Variants in PRKCB observed in about 807,000 individuals in gnomAD.
PRKCB encodes the protein protein kinase C beta, also known as protein kinase C beta type.
In PRKCB, 13 loss-of-function variants were observed where a neutral mutation model predicts 81.5. The ratio of observed to expected loss-of-function variants is 0.16; its 90% confidence interval spans 0.10 to 0.25. The LOEUF (loss-of-function observed/expected upper bound fraction) is 0.25. Among genes scored for constraint, PRKCB ranks in the 10% least tolerant of loss-of-function variants. The pLI is 1.00. For synonymous variants in PRKCB, 335 were observed against 321.4 expected (o/e 1.04, Z -0.45); for missense variants, 509 against 875.7 (o/e 0.58, Z 5.29).
chr16:24,091,140 A>G (rs1966371499), intron 5 of PRKCB, among the ~76,000 whole-genome samples: 1 of 152,184 alleles, frequency 6.6e-6, no homozygotes, highest in African/African-American at 2.4e-5. Context: ...CTTATTCCTT[A>G]CTTTAATGGA....
Position 24,218,107 on chromosome 16 carries a change from T to C in PRKCB, c.*3291T>C. Reference sequence around the variant, plus strand: ...GGAAATACACTAGTGAAGAAGCAGATGAGGACCCTGTTTATTGTTTCTCTC... The same window carrying C: ...GGAAATACACTAGTGAAGAAGCAGACGAGGACCCTGTTTATTGTTTCTCTC... On this transcript the variant is annotated 3_prime_UTR_variant, in exon 17 of 17. Coordinates refer to ENST00000643927, the MANE Select transcript of PRKCB (RefSeq NM_002738.7). The C allele has an allele frequency of 2.0e-6, 2 of 985,344 alleles. No homozygotes were observed. The highest frequency in any genetic ancestry group is 2.4e-6 in the Non-Finnish European group (2 of 829,920). 61.0% of individuals were successfully genotyped at this position (985,344 alleles called of 1,614,324 possible). A position where few individuals can be genotyped will look rare whatever the true frequency, so the allele number is the denominator to read the frequency against.
At chr16:23,839,125 G>A (rs1962220247) in intron 2 of PRKCB, among the ~76,000 whole-genome samples, 1 of 152,128 alleles carries the variant, frequency 6.6e-6, no homozygotes, top group Admixed American at 6.5e-5. Flanking sequence ...TGATGGATGG[G>A]AAAGTCACTT....
chr16:23,894,486 G>A (rs1963341782), intron 2 of PRKCB, among the ~76,000 whole-genome samples: 1 of 151,970 alleles, frequency 6.6e-6, no homozygotes. Context: ...CTTGATCACT[G>A]GATATAATCA....
chr16:24,049,045 C>CTTTT (rs1462670006), intron 5 of PRKCB, among the ~76,000 whole-genome samples: 2 of 82,486 alleles, frequency 2.4e-5, no homozygotes, highest in African/African-American at 5.9e-5. Context: ...TCAAATTGGC[C>CTTTT]TGTTTTTTTT....
At chr16:23,903,548 A>G (rs1238098676) in intron 2 of PRKCB, among the ~76,000 whole-genome samples, 1 of 152,166 alleles carries the variant, frequency 6.6e-6, no homozygotes, top group Non-Finnish European at 1.5e-5. Context: ...AATGATTTCT[A>G]CCCTAGATCT....
At chr16:24,175,464 T>C (rs1240831061) in intron 12 of PRKCB, among the ~76,000 whole-genome samples, 1 of 151,782 alleles carries the variant, frequency 6.6e-6, no homozygotes, top group Non-Finnish European at 1.5e-5. Flanking sequence ...ATCTTTCTCA[T>C]GGTGGGAGTT....
chr16:23,921,532 TG>T (rs1196861335), intron 2 of PRKCB, among the ~76,000 whole-genome samples: 10 of 152,186 alleles, frequency 6.6e-5, no homozygotes, highest in Non-Finnish European at 1.5e-4. Context: ...CCAGGCAAGA[TG>T]GCTCACGTCT....
intron 2 of PRKCB, among the ~76,000 whole-genome samples, chr16:23,897,827 A>G (rs1463676632): frequency 2.0e-5 from 3 of 151,894 alleles, no homozygotes; most frequent in Non-Finnish European, 4.4e-5. Context: ...CCTCTCTCCC[A>G]TCCATCCATC....
chr16:23,836,670 C>T (rs958105544), intron 1 of PRKCB, among the ~76,000 whole-genome samples: 1 of 151,912 alleles, frequency 6.6e-6, no homozygotes, highest in South Asian at 2.1e-4. Context: ...CTGTGCCTGC[C>T]CTGGAGGGCA....
intron 12 of PRKCB, among the ~76,000 whole-genome samples, chr16:24,178,436 C>T (rs188871378): frequency 1.9e-3 from 297 of 152,344 alleles, no homozygotes; most frequent in African/African-American, 6.9e-3. Context: ...CTCTTGGCAC[C>T]TGAAACTTCT....
intron 5 of PRKCB, among the ~76,000 whole-genome samples, chr16:24,088,164 C>T (rs1172667046): frequency 3.9e-5 from 6 of 152,190 alleles, no homozygotes; most frequent in Non-Finnish European, 7.3e-5. Flanking sequence ...CTTTGAAACA[C>T]TTCAGGAGGG....
intron 2 of PRKCB, among the ~76,000 whole-genome samples, chr16:23,897,721 A>G (rs1444380834): frequency 6.6e-6 from 1 of 152,114 alleles, no homozygotes; most frequent in Non-Finnish European, 1.5e-5. Context: ...TGAAATGCGG[A>G]GAAGACTGGA....
intron 2 of PRKCB, among the ~76,000 whole-genome samples, chr16:23,911,791 G>A (rs900631534): frequency 6.7e-6 from 1 of 148,708 alleles, no homozygotes; most frequent in Non-Finnish European, 1.5e-5. Context: ...CAAAGATACT[G>A]CCGTTTGTCT....
At chr16:23,908,016 G>C (rs552426102) in intron 2 of PRKCB, among the ~76,000 whole-genome samples, 3 of 152,144 alleles carry the variant, frequency 2.0e-5, no homozygotes, top group Admixed American at 6.5e-5. Flanking sequence ...GGAAGCACAC[G>C]TGTCTATTCG....
At chr16:24,154,890 T>C (rs1413907485) in intron 10 of PRKCB, 33 bp downstream of exon 10, 1 of 1,598,668 alleles carries the variant, frequency 6.3e-7, no homozygotes, top group Admixed American at 1.7e-5. Context: ...GTATTCCACC[T>C]CCAGGGCTTC....
At chr16:23,852,465 C>A (rs1567290092) in intron 2 of PRKCB, among the ~76,000 whole-genome samples, 1 of 152,030 alleles carries the variant, frequency 6.6e-6, no homozygotes. Flanking sequence ...GGGAGAAATC[C>A]CACTTGATCA....
intron 13 of PRKCB, 124 bp downstream of exon 13, chr16:24,181,052 T>A: frequency 8.1e-7 from 1 of 1,234,102 alleles, no homozygotes; most frequent in Non-Finnish European, 1.1e-6. Flanking sequence ...AGATTCTTAT[T>A]CTATACTCTA....
At chr16:23,983,297 GT>G (rs1286233796) in intron 2 of PRKCB, among the ~76,000 whole-genome samples, 1 of 152,176 alleles carries the variant, frequency 6.6e-6, no homozygotes, top group East Asian at 1.9e-4. Context: ...AACACACTGT[GT>G]AAAGGAATTA....
rs188342168 is a variant in PRKCB at position 23,836,151 on chromosome 16, C to T, written c.-25C>T. ...CCGCGGCCCCGGGGCCGGCACCTCT[C>T]GGGCTCCGGCTCCCCGCGCGCAAGA... On this transcript the variant is annotated 5_prime_UTR_variant, in exon 1 of 17. Coordinates refer to ENST00000643927, the MANE Select transcript of PRKCB (RefSeq NM_002738.7). 2.2e-3 allele frequency: 3,150 copies of T among 1,452,520 alleles called. 61 individuals carry two copies. In the African/African-American group the frequency reaches 0.041, roughly 19 times the overall value. The allele number at this position is 1,452,520 out of a possible 1,614,324, so 90.0% of individuals were successfully genotyped here.
Sources: gnomAD v4.1 joint callset for allele counts (sites outside exome capture counted in the v4.1 genomes callset) on GRCh38, gnomAD v4.1.1 for gene constraint, MANE v1.5 for transcripts, NCBI Gene and HGNC (gene_info 2026-07-23, HGNC 2026-07-21) for gene names.